Variants in VPS13B observed in about 807,000 individuals in gnomAD.
The protein encoded by VPS13B is intermembrane lipid transfer protein VPS13B.
Under a neutral mutation model 426.4 loss-of-function variants are expected in VPS13B, and 285 were observed. The observed-to-expected ratio is 0.67, with a 90% CI of 0.61 to 0.74. VPS13B has a LOEUF of 0.74. Ranked by LOEUF, VPS13B falls within the 30% of genes least tolerant of loss-of-function variation. The pLI, the probability that VPS13B is intolerant of heterozygous loss-of-function variation, is 0.00. For synonymous variants in VPS13B, 1,676 were observed against 1,676.4 expected, an observed-to-expected ratio of 1.00 and a Z score of 0.01; for missense variants, 4,537 against 4,782.6, an observed-to-expected ratio of 0.95 and a Z score of 1.51.
intron 39 of VPS13B, among the ~76,000 whole-genome samples, chr8:99,748,125 T>C (rs1286645477): frequency 6.6e-6 from 1 of 152,094 alleles, no homozygotes; most frequent in Non-Finnish European, 1.5e-5. Flanking sequence ...GTCTATGGCT[T>C]TTATTCTACC....
At chr8:99,268,768 G>A (rs563880849) in intron 17 of VPS13B, among the ~76,000 whole-genome samples, 6 of 152,238 alleles carry the variant, frequency 3.9e-5, no homozygotes, top group African/African-American at 1.2e-4. Context: ...AAGGGCATGA[G>A]TGTTTTGAAG....
intron 21 of VPS13B, among the ~76,000 whole-genome samples, chr8:99,413,028 G>T (rs984574616): frequency 6.6e-6 from 1 of 151,994 alleles, no homozygotes; most frequent in Non-Finnish European, 1.5e-5. Context: ...TTCTTTTTTT[G>T]TTGTGTCTCT....
chr8:99,630,628 G>T (rs1338142674), intron 33 of VPS13B, among the ~76,000 whole-genome samples: 1 of 129,566 alleles, frequency 7.7e-6, no homozygotes, highest in African/African-American at 2.9e-5. Flanking sequence ...AAGATTTACT[G>T]AGCACCTACT....
In VPS13B at chr8:99,417,541, T is replaced by A. The variant is rs572331935; in HGVS notation, c.3083-13996T>A. On this transcript the variant is annotated intron_variant, in intron 21 of 61. Coordinates refer to ENST00000357162, the MANE Select transcript of VPS13B (RefSeq NM_152564.5). The stretch of plus-strand genomic sequence containing the variant: ...TGCTTTAGCTCATTTACTCCCCTGT[T>A]CAAATTTTTTGTTGTTGTCTATGTG... 2.4e-4 allele frequency among the ~76,000 whole-genome samples: 37 copies of A among 152,276 alleles called. No homozygotes were observed. In the East Asian group the frequency reaches 6.4e-3, roughly 26 times the overall value.
At chr8:99,779,357 A>G (rs1166035411) in intron 42 of VPS13B, among the ~76,000 whole-genome samples, 2 of 152,212 alleles carry the variant, frequency 1.3e-5, no homozygotes, top group African/African-American at 4.8e-5. Flanking sequence ...CAAAGCTTCA[A>G]CTTAGCTATG....
chr8:99,149,041 A>C (rs1409966640), intron 14 of VPS13B, among the ~76,000 whole-genome samples: 2 of 152,242 alleles, frequency 1.3e-5, no homozygotes, highest in South Asian at 4.1e-4. Context: ...AGAGGATCAC[A>C]GGATATTCTA....
intron 31 of VPS13B, among the ~76,000 whole-genome samples, chr8:99,559,830 T>A (rs1185095068): frequency 6.6e-6 from 1 of 152,182 alleles, no homozygotes. Flanking sequence ...TAGTTTGAAG[T>A]CAGGTAGCGT....
Position 99,720,333 on chromosome 8 carries a change from A to G in VPS13B, c.6658-12A>G, listed in dbSNP as rs755599767. 1 of 1,608,780 alleles carries G rather than the reference A, an allele frequency of 6.2e-7. No individual in the cohort carries two copies. The highest frequency in any genetic ancestry group is 8.5e-7 in the Non-Finnish European group (1 of 1,177,522). On this transcript the variant is annotated splice_polypyrimidine_tract_variant and intron_variant, in intron 37 of 61. Coordinates refer to ENST00000357162, the MANE Select transcript of VPS13B (RefSeq NM_152564.5). ...ATTTAAAAGCTACTAGAATTTTTTT[A>G]TGATTTTAAAGGTCTTCTGGGGTCA...
intron 8 of VPS13B, among the ~76,000 whole-genome samples, chr8:99,128,814 A>G (rs1386884280): frequency 1.3e-5 from 2 of 152,092 alleles, no homozygotes; most frequent in African/African-American, 4.8e-5. Flanking sequence ...AAGCTACACA[A>G]TTTATAACTA....
chr8:99,051,622 A>G (rs570161134), intron 3 of VPS13B, among the ~76,000 whole-genome samples: 25 of 152,266 alleles, frequency 1.6e-4, no homozygotes, highest in Middle Eastern at 3.4e-3. Flanking sequence ...ACCTTGGGCA[A>G]TATGGCCATT....
At chr8:99,527,233 T>C (rs1315766917) in intron 30 of VPS13B, among the ~76,000 whole-genome samples, 1 of 152,110 alleles carries the variant, frequency 6.6e-6, no homozygotes, top group Non-Finnish European at 1.5e-5. Flanking sequence ...TTTTGGAATC[T>C]GTGACTGAGA....
chr8:99,420,164 A>G (rs1318649501), intron 21 of VPS13B, among the ~76,000 whole-genome samples: 4 of 152,176 alleles, frequency 2.6e-5, no homozygotes, highest in African/African-American at 9.6e-5. Flanking sequence ...AGTGCTTACT[A>G]TGAAAACTGA....
Position 99,121,441 on chromosome 8 carries a change from T to C in VPS13B, c.1202T>C (p.Phe401Ser). The C allele has an allele frequency of 1.2e-6, 2 of 1,614,166 alleles. No individual in the cohort carries two copies. The highest frequency in any genetic ancestry group is 1.7e-6 in the Non-Finnish European group (2 of 1,180,004). Residue 401 changes from phenylalanine to serine, a missense_variant, in exon 8 of 62, where the codon TTC becomes TCC. Around this residue, in one of 2 missense-constraint regions of VPS13B, gnomAD observed 4,311 missense variants for 4,474.3 expected, o/e 0.96. Transcript: ENST00000357162. The stretch of plus-strand genomic sequence containing the variant: ...TATTGCACAAAGGCAACGGTGACTT[T>C]CAAAGTAGGTCTTTTCTCTTGCTGT... Reference protein sequence around the residue: ...GFYCTKATVTFKLTEMQVESS... With the variant: ...GFYCTKATVTSKLTEMQVESS...
At chr8:99,238,878 A>G (rs1816771666) in intron 17 of VPS13B, among the ~76,000 whole-genome samples, 1 of 152,064 alleles carries the variant, frequency 6.6e-6, no homozygotes. Context: ...GGTAAATCTT[A>G]TATTTAGAAT....
At chr8:99,518,367 T>C (rs1822199009) in intron 29 of VPS13B, among the ~76,000 whole-genome samples, 1 of 152,204 alleles carries the variant, frequency 6.6e-6, no homozygotes, top group South Asian at 2.1e-4. Context: ...GCAAGACCTG[T>C]AAAATGTAAA....
At chr8:99,136,064 A>C (rs866363503) in intron 11 of VPS13B, among the ~76,000 whole-genome samples, 27 of 152,172 alleles carry the variant, frequency 1.8e-4, no homozygotes, top group Middle Eastern at 6.8e-3. Flanking sequence ...CCTTTTTACT[A>C]TCTATACTTC....
At chr8:99,311,940 C>T (rs186889348) in intron 19 of VPS13B, among the ~76,000 whole-genome samples, 25 of 152,100 alleles carry the variant, frequency 1.6e-4, no homozygotes, top group African/African-American at 5.5e-4. Context: ...TTCTTTGTCT[C>T]GATTTTGATC....
At chr8:99,792,136 T>G (rs1358376294) in intron 43 of VPS13B, among the ~76,000 whole-genome samples, 2 of 152,166 alleles carry the variant, frequency 1.3e-5, no homozygotes, top group Non-Finnish European at 2.9e-5. Context: ...AATTTCCAGT[T>G]TGAGTCTAAA....
chr8:99,245,724 A>G (rs1817179920), intron 17 of VPS13B, among the ~76,000 whole-genome samples: 1 of 152,120 alleles, frequency 6.6e-6, no homozygotes, highest in Non-Finnish European at 1.5e-5. Context: ...CTATTGTTTT[A>G]GTACAGATAG....
Sources: gnomAD v4.1 joint callset for allele counts (sites outside exome capture counted in the v4.1 genomes callset) on GRCh38, gnomAD v4.1.1 for gene constraint, gnomAD v4.1.1 regional missense constraint, MANE v1.5 for transcripts, NCBI Gene and HGNC (gene_info 2026-07-23, HGNC 2026-07-21) for gene names.